KIF5A: variants seen among roughly 807,000 people sequenced by gnomAD.
KIF5A encodes kinesin heavy chain isoform 5A.
A neutral mutation model predicts 141.3 loss-of-function variants in KIF5A; 35 were observed. The ratio of observed to expected loss-of-function variants is 0.25; its 90% CI spans 0.19 to 0.33. KIF5A has a LOEUF of 0.33. Among genes scored for constraint, KIF5A ranks in the 10% least tolerant of loss-of-function variants. The pLI is 1.00. For synonymous variants in KIF5A, 448 were observed against 500.2 expected (o/e 0.90, Z 1.39); for missense variants, 861 against 1,314.3 (o/e 0.66, Z 5.33).
intron 8 of KIF5A, among the ~76,000 whole-genome samples, chr12:57,567,885 C>T (rs186850412): frequency 6.7e-6 from 1 of 149,842 alleles, no homozygotes; most frequent in African/African-American, 2.5e-5. Context: ...TGGTCCTTGG[C>T]TCTTTTTTTT....
rs1882493568 is a variant in KIF5A, at chr12:57,578,343, G to T, written c.2538+1G>T. Reference sequence around the variant, plus strand: ...ACAGCTTACAAAGGTTCACAAACAGGTAAGAGTCTGCTGAAGGAGTGAAGA... The same window carrying T: ...ACAGCTTACAAAGGTTCACAAACAGTTAAGAGTCTGCTGAAGGAGTGAAGA... On this transcript the variant is annotated splice_donor_variant, in intron 23 of 28. Transcript: ENST00000455537. LOFTEE classifies it high-confidence loss of function. 1 of 1,606,104 alleles carries T rather than the reference G, an allele frequency of 6.2e-7. No homozygotes were observed.
rs756616721 is a variant in KIF5A at position 57,550,447 on chromosome 12, A to C, written c.129+47A>C. 2 of 1,600,956 alleles carry C rather than the reference A, an allele frequency of 1.2e-6. No individual in the cohort carries two copies. The highest frequency in any genetic ancestry group is 2.7e-5 in the African/African-American group (2 of 74,310). ...ATTCGGGGAGGGGGCAGGTGGCTGA[A>C]TCTCCCCGCCCCCCGCAGAGCCTTA... On this transcript the variant is annotated intron_variant, in intron 1 of 28. Coordinates refer to ENST00000455537, the MANE Select transcript of KIF5A (RefSeq NM_004984.4). This position sits in a 1 kb window ranked among gnomAD's most constrained non-coding sequence, Gnocchi z 4.6.
In KIF5A at chr12:57,570,045, G is replaced by A. The variant is rs75907338; in HGVS notation, c.1176G>A (p.Glu392=). The change falls in exon 12 of 29, where the codon GAG becomes GAA. Residue 392 remains glutamate (E), a synonymous_variant. Transcript: ENST00000455537. ...LAGEEAALGA[E]LCEETPVNDN... ...GGGAGGAGGCAGCCCTGGGAGCCGA[G>A]CTCTGTGAGGAGACCCCTGTGAATG... is the stretch of plus-strand genomic sequence containing the variant. 3,405 of 1,614,006 alleles carry A rather than the reference G, an allele frequency of 2.1e-3. 128 individuals are homozygous for A. The East Asian group carries it at 0.059, about 28-fold the overall frequency.
chr12:57,567,262 T>C (rs1306621185), intron 7 of KIF5A, 49 bp downstream of exon 7: 1 of 1,471,576 alleles, frequency 6.8e-7, no homozygotes, highest in Admixed American at 1.7e-5. Context: ...TCCACTTGTG[T>C]TCTGTGTCCT....
rs147057295 is a variant in KIF5A at position 57,581,135 on chromosome 12, C to T, written c.2718C>T (p.Tyr906=). ...ACCGCATCAAGGAGGCCGTTCGCTA[C>T]AAGAGCTCGGGCAAACGGGGCCATT... ...EVDRIKEAVR[Y]KSSGKRGHSA... The change falls in exon 24 of 29, where the codon TAC becomes TAT. Residue 906 remains tyrosine, a synonymous_variant. Transcript: ENST00000455537. 266 of 1,614,092 alleles carry T rather than the reference C, an allele frequency of 1.6e-4. No homozygotes were observed. The highest frequency in any genetic ancestry group is 7.8e-4 in the East Asian group (35 of 44,884).
chr12:57,565,095 A>T, intron 6 of KIF5A, 122 bp downstream of exon 6: 1 of 864,946 alleles, frequency 1.2e-6, no homozygotes. Context: ...AGATGTGCCT[A>T]GGGGCCAGGG....
Position 57,578,276 on chromosome 12 carries a change from C to T in KIF5A, c.2472C>T (p.His824=), listed in dbSNP as rs201743611. 21 of 1,614,132 alleles carry T rather than the reference C, an allele frequency of 1.3e-5. No individual in the cohort carries two copies. The African/African-American group carries it at 1.9e-4, about 14-fold the overall frequency. The change falls in exon 23 of 29, where the codon CAC becomes CAT. Residue 824 remains histidine, a synonymous_variant. Coordinates refer to ENST00000455537, the MANE Select transcript of KIF5A (RefSeq NM_004984.4). The part of the protein sequence containing the change: ...EMEPEDSGGI[H]SQKQKISFLE... ...AGCCCGAAGACAGTGGGGGGATTCA[C>T]TCCCAAAAGCAGAAGATTTCCTTTC...
Position 57,585,287 on chromosome 12 carries a change from G to A in KIF5A, c.*1106G>A, listed in dbSNP as rs1387496760. The A allele has an allele frequency of 1.9e-5, 3 of 153,948 alleles. No homozygotes were observed. The South Asian group carries it at 6.1e-4, about 31-fold the overall frequency. 9.5% of individuals were successfully genotyped at this position (153,948 alleles called of 1,614,324 possible). ...AGCTGGAGCCTGACTTTTCCCCAAT[G>A]TACATTTTTTTTTTCTCCACAAAGA... is the stretch of plus-strand genomic sequence containing the variant. On this transcript the variant is annotated 3_prime_UTR_variant, in exon 29 of 29. Transcript: ENST00000455537.
rs192586811 is a variant in KIF5A at position 57,583,193 on chromosome 12, C to A, written c.*14C>A. 21 of 1,610,746 alleles carry A rather than the reference C, an allele frequency of 1.3e-5. No homozygotes were observed. Among genetic ancestry groups the A allele is most frequent in the Non-Finnish European group, 1.7e-6 (2 of 1,177,796 alleles). ...GCAGCCAGCTAATCTCCCACACCCA[C>A]GGCTGCATACCTGCACTTTCAGGTA... On this transcript the variant is annotated 3_prime_UTR_variant, in exon 28 of 29. Transcript: ENST00000455537.
intron 17 of KIF5A, 64 bp from the exon 18 acceptor site, chr12:57,576,023 C>T: frequency 1.3e-6 from 2 of 1,516,478 alleles, no homozygotes; most frequent in Admixed American, 3.3e-5. Flanking sequence ...GTTCTGGTCA[C>T]AACGTGAAGT....
In KIF5A at chr12:57,569,083, G is replaced by A. The variant is rs1217901982; in HGVS notation, c.819+16G>A. The A allele has an allele frequency of 6.2e-7, 1 of 1,601,226 alleles. No homozygotes were observed. Among genetic ancestry groups the A allele is most frequent in the Non-Finnish European group, 8.6e-7 (1 of 1,168,796 alleles). On this transcript the variant is annotated intron_variant, in intron 9 of 28. Transcript: ENST00000455537. ...TGAGGGCACTGTGAGTGATCCTTAG[G>A]TCCCCTCACCCCTCAAGCCACACCC...
chr12:57,572,822 C>A lies in KIF5A; in HGVS notation c.1716+96C>A. 1.4e-6 allele frequency: 2 copies of A among 1,418,878 alleles called. No individual in the cohort carries two copies. Among genetic ancestry groups the A allele is most frequent in the Non-Finnish European group, 2.0e-6 (2 of 1,003,372 alleles). 87.9% of individuals were successfully genotyped at this position (1,418,878 alleles called of 1,614,324 possible). A position where few individuals can be genotyped will look rare whatever the true frequency, so the allele number is the denominator to read the frequency against. On this transcript the variant is annotated intron_variant, in intron 15 of 28. Coordinates refer to ENST00000455537, the MANE Select transcript of KIF5A (RefSeq NM_004984.4). This position sits in a 1 kb window ranked among gnomAD's most constrained non-coding sequence, Gnocchi z 4.2. Reference sequence around the variant, plus strand: ...CCTTCACAGATACTGAGAAAGGCAGCCAGAGAGCCAGGAAACATGCCTTTG... The same window carrying A: ...CCTTCACAGATACTGAGAAAGGCAGACAGAGAGCCAGGAAACATGCCTTTG...
At position 57,550,388 on chromosome 12, in the gene KIF5A, C is replaced by T. The variant is rs1390200631; in HGVS notation, c.117C>T (p.Ser39=). ...TCCCCATTTTCCAAGGGGACGACAGCGTCGTTATTGGGGTGAGTGTCGCCC... is the reference window on the plus strand; with the variant it reads ...TCCCCATTTTCCAAGGGGACGACAGTGTCGTTATTGGGGTGAGTGTCGCCC... ...KFIPIFQGDD[S]VVIGGKPYVF... The change falls in exon 1 of 29, where the codon AGC becomes AGT. Residue 39 remains serine (S), a synonymous_variant. Coordinates refer to ENST00000455537, the MANE Select transcript of KIF5A (RefSeq NM_004984.4). This position sits in a 1 kb window ranked among gnomAD's most constrained non-coding sequence, Gnocchi z 4.6. The T allele has an allele frequency of 1.2e-6, 2 of 1,614,018 alleles. No individual in the cohort carries two copies. The highest frequency in any genetic ancestry group is 2.2e-5 in the East Asian group (1 of 44,888).
chr12:57,555,448 G>T (rs981266466), intron 1 of KIF5A, among the ~76,000 whole-genome samples: 1 of 152,122 alleles, frequency 6.6e-6, no homozygotes, highest in East Asian at 1.9e-4. Flanking sequence ...AAACTTAGCC[G>T]AGCATGGTGG....
chr12:57,580,638 A>G (rs759094639), intron 23 of KIF5A, among the ~76,000 whole-genome samples: 17 of 152,208 alleles, frequency 1.1e-4, no homozygotes, highest in Non-Finnish European at 2.1e-4. Context: ...GGGGGAAACC[A>G]GATGGAGACA....
Position 57,585,326 on chromosome 12 carries a change from T to A in KIF5A, c.*1145T>A, listed in dbSNP as rs1210086021. 6.5e-6 allele frequency: 1 copy of A among 154,302 alleles called. No homozygotes were observed. The highest frequency in any genetic ancestry group is 6.5e-5 in the Admixed American group (1 of 15,278). 9.6% of individuals were successfully genotyped at this position (154,302 alleles called of 1,614,324 possible). On this transcript the variant is annotated 3_prime_UTR_variant, in exon 29 of 29. Coordinates refer to ENST00000455537, the MANE Select transcript of KIF5A (RefSeq NM_004984.4). The stretch of plus-strand genomic sequence containing the variant: ...TCTCCACAAAGAGTTCCTTCTCTAA[T>A]GTCCCCATCTGGTATTAAGTGCACT...
intron 1 of KIF5A, among the ~76,000 whole-genome samples, chr12:57,558,025 A>G (rs1272708235): frequency 6.6e-6 from 1 of 152,206 alleles, no homozygotes; most frequent in Non-Finnish European, 1.5e-5. Context: ...CCAAAAACCT[A>G]CTATACATTT....
At chr12:57,567,724 G>A (rs550721177) in intron 8 of KIF5A, 106 bp downstream of exon 8, 4 of 1,229,468 alleles carry the variant, frequency 3.3e-6, no homozygotes, top group South Asian at 1.6e-5. Context: ...GCAGTGGCAC[G>A]ATCTCTGTTC....
At position 57,572,148 on chromosome 12, in the gene KIF5A, G is replaced by T; in HGVS notation, c.1450G>T (p.Val484Leu). 6.2e-7 allele frequency: 1 copy of T among 1,614,182 alleles called. No homozygotes were observed. Among genetic ancestry groups the T allele is most frequent in the Non-Finnish European group, 8.5e-7 (1 of 1,180,028 alleles). The change falls in exon 14 of 29, where the codon GTG (valine) becomes TTG (leucine). Residue 484 changes from valine (V) to leucine (L), a missense_variant. Physicochemically the swap from Val to Leu is conservative, Grantham distance 32 (BLOSUM62 1). Around this residue, in one of 5 missense-constraint regions of KIF5A, gnomAD observed 167 missense variants for 192.0 expected, o/e 0.87. Coordinates refer to ENST00000455537, the MANE Select transcript of KIF5A (RefSeq NM_004984.4). This position sits in a 1 kb window ranked among gnomAD's most constrained non-coding sequence, Gnocchi z 4.2. ...AGAGAACGATGCCGCTAAGGATGAG[G>T]TGAAGGAAGTGCTGCAGGCCCTGGA... is the stretch of plus-strand genomic sequence containing the variant. ...QSENDAAKDE[V>L]KEVLQALEEL...
Sources: gnomAD v4.1 joint callset for allele counts (sites outside exome capture counted in the v4.1 genomes callset) on GRCh38, gnomAD v4.1.1 for gene constraint, gnomAD v4.1.1 regional missense constraint, Gnocchi (gnomAD v3.1) non-coding constraint, MANE v1.5 for transcripts, NCBI Gene and HGNC (gene_info 2026-07-23, HGNC 2026-07-21) for gene names.